ADAM9: variants seen among roughly 807,000 people sequenced by gnomAD.
ADAM9 encodes disintegrin and metalloproteinase domain-containing protein 9.
In ADAM9, 54 loss-of-function variants were observed where a neutral mutation model predicts 108.1. The ratio of observed to expected loss-of-function variants is 0.50; its 90% confidence interval spans 0.40 to 0.63. The LOEUF is 0.63. ADAM9 is among the 20% of genes least tolerant of loss of function. The pLI is 0.00. For missense variants in ADAM9, 830 were observed against 997.7 expected (o/e 0.83, Z 2.26); for synonymous variants, 316 against 336.0 (o/e 0.94, Z 0.65).
chr8:39,034,802 C>A (rs1837215491), intron 11 of ADAM9, among the ~76,000 whole-genome samples: 2 of 151,326 alleles, frequency 1.3e-5, no homozygotes, highest in Admixed American at 1.3e-4. Context: ...ACAATTTTGT[C>A]TTTAAACTTT....
intron 14 of ADAM9, among the ~76,000 whole-genome samples, chr8:39,065,170 G>A (rs535008085): frequency 6.7e-6 from 1 of 149,262 alleles, no homozygotes; most frequent in South Asian, 2.1e-4. Context: ...GGATTTCCTG[G>A]ATTTTCTTAT....
In ADAM9 at chr8:38,997,073, G is replaced by A. The variant is rs1835836190; in HGVS notation, c.10G>A (p.Gly4Ser). Reference protein sequence around the residue: MGSGARFPSGTLRV... With the variant: MGSSARFPSGTLRV... ...TGCGGAATCGGCCGAGATGGGGTCT[G>A]GCGCGCGCTTTCCCTCGGGGACCCT... Residue 4 changes from glycine to serine, a missense_variant, in exon 1 of 22, where the codon GGC (glycine) becomes AGC (serine). Around this residue, in one of 3 missense-constraint regions of ADAM9, gnomAD observed 211 missense variants for 222.2 expected, o/e 0.95. Coordinates refer to ENST00000487273, the MANE Select transcript of ADAM9 (RefSeq NM_003816.3). 6.2e-7 allele frequency: 1 copy of A among 1,607,694 alleles called. No homozygotes were observed. The highest frequency in any genetic ancestry group is 1.3e-5 in the African/African-American group (1 of 74,872).
chr8:39,067,096 G>C (rs1180360669), intron 14 of ADAM9, among the ~76,000 whole-genome samples: 1 of 152,134 alleles, frequency 6.6e-6, no homozygotes, highest in Non-Finnish European at 1.5e-5. Context: ...GCTCTGTTCT[G>C]TTCCATTGGT....
chr8:39,045,092 A>ATGTATGTG (rs1837612942), intron 12 of ADAM9, among the ~76,000 whole-genome samples: 5 of 27,622 alleles, frequency 1.8e-4, no homozygotes, highest in African/African-American at 8.3e-4. Context: ...GCATACATAC[A>ATGTATGTG]TATGTGTGTG....
At chr8:39,026,934 A>T in intron 11 of ADAM9, 124 bp downstream of exon 11, 1 of 1,239,808 alleles carries the variant, frequency 8.1e-7, no homozygotes, top group Non-Finnish European at 1.1e-6. Context: ...GCTGAAATTA[A>T]TTGCATGACA....
intron 1 of ADAM9, among the ~76,000 whole-genome samples, chr8:39,003,589 G>GA (rs1465201376): frequency 3.3e-5 from 5 of 151,842 alleles, no homozygotes; most frequent in South Asian, 2.1e-4. Flanking sequence ...GGAATTTTGG[G>GA]AAAAAAACAT....
At chr8:38,997,466 C>A (rs1450091971) in intron 1 of ADAM9, among the ~76,000 whole-genome samples, 1 of 152,192 alleles carries the variant, frequency 6.6e-6, no homozygotes, top group Non-Finnish European at 1.5e-5. Context: ...CCCCAGACGC[C>A]CCGAAACCCG....
At chr8:39,063,826 T>G (rs1838371897) in intron 14 of ADAM9, among the ~76,000 whole-genome samples, 1 of 152,202 alleles carries the variant, frequency 6.6e-6, no homozygotes, top group African/African-American at 2.4e-5. Flanking sequence ...CAGTTCCTTA[T>G]TGATCAATAA....
chr8:39,002,270 G>A (rs1836018884), intron 1 of ADAM9, among the ~76,000 whole-genome samples: 1 of 146,508 alleles, frequency 6.8e-6, no homozygotes, highest in South Asian at 2.1e-4. Flanking sequence ...GAAGCCCATG[G>A]TTTGGAGTTC....
intron 20 of ADAM9, among the ~76,000 whole-genome samples, chr8:39,099,380 A>G (rs1373939995): frequency 6.6e-6 from 1 of 152,136 alleles, no homozygotes; most frequent in Non-Finnish European, 1.5e-5. Flanking sequence ...CAACCCAGCC[A>G]AGTGTTTCAA....
In ADAM9 at chr8:39,045,043, T is replaced by TATGTGTATGTGTGTGTGCATACATAC. The variant is rs1564296377; in HGVS notation, c.1302+2929_1302+2954dup. 3.8e-4 allele frequency among the ~76,000 whole-genome samples: 19 copies of TATGTGTATGTGTGTGTGCATACATAC among 50,152 alleles called. 2 individuals carry two copies. Among genetic ancestry groups the TATGTGTATGTGTGTGTGCATACATAC allele is most frequent in the Non-Finnish European group, 1.8e-4 (5 of 27,910 alleles). 32.9% of individuals were successfully genotyped at this position (50,152 alleles called of 152,430 possible). ...ATGTGTGTGTGCATACATACATATG[T>TATGTGTATGTGTGTGTGCATACATAC]ATGTGTATGTGTGTGTGCATACATA... On this transcript the variant is annotated intron_variant, in intron 12 of 21. Transcript: ENST00000487273.
intron 4 of ADAM9, chr8:39,014,642 C>A: frequency 2.9e-6 from 2 of 695,404 alleles, no homozygotes; most frequent in South Asian, 3.0e-5. Context: ...GTTTTACAGT[C>A]CTTTTTGGCA....
At chr8:39,009,964 A>ACCGCC (rs1554572508) in intron 2 of ADAM9, among the ~76,000 whole-genome samples, 14 of 106,528 alleles carry the variant, frequency 1.3e-4, no homozygotes, top group African/African-American at 4.9e-4. Context: ...ACAAAAACAA[A>ACCGCC]CCCCCCCCCC....
intron 18 of ADAM9, among the ~76,000 whole-genome samples, chr8:39,088,676 A>G (rs1839252189): frequency 6.6e-6 from 1 of 152,196 alleles, no homozygotes; most frequent in African/African-American, 2.4e-5. Flanking sequence ...AGAACAGATA[A>G]AATACTTAAA....
intron 20 of ADAM9, among the ~76,000 whole-genome samples, chr8:39,101,542 G>T (rs1412029934): frequency 6.6e-6 from 1 of 152,192 alleles, no homozygotes; most frequent in African/African-American, 2.4e-5. Flanking sequence ...AGCATACACA[G>T]ACATTATTTT....
intron 18 of ADAM9, among the ~76,000 whole-genome samples, chr8:39,087,966 A>T (rs2129442906): frequency 6.6e-6 from 1 of 152,308 alleles, no homozygotes; most frequent in African/African-American, 2.4e-5. Context: ...TATGTATTAT[A>T]TACTGTATTA....
chr8:39,049,094 AT>A (rs1365875818), intron 12 of ADAM9, among the ~76,000 whole-genome samples: 2 of 147,698 alleles, frequency 1.4e-5, no homozygotes, highest in Non-Finnish European at 3.0e-5. Flanking sequence ...ATAGGGAAGG[AT>A]TTACTGTGAT....
At chr8:39,014,542 T>C in intron 4 of ADAM9, 1 of 702,706 alleles carries the variant, frequency 1.4e-6, no homozygotes, top group Non-Finnish European at 2.6e-6. Context: ...GGGACAGAGC[T>C]GGCCAGAATA....
intron 3 of ADAM9, 87 bp from the exon 4 acceptor site, chr8:39,013,878 T>G: frequency 9.9e-7 from 1 of 1,012,728 alleles, no homozygotes. Context: ...CTCCTGCTTG[T>G]CTCCTCTAGG....
Sources: allele counts gnomAD v4.1 joint callset (sites outside exome capture counted in the v4.1 genomes callset), GRCh38; gene constraint gnomAD v4.1.1; regional missense constraint gnomAD v4.1.1; transcripts MANE v1.5; gene names NCBI Gene and HGNC (gene_info 2026-07-23, HGNC 2026-07-21).